DOCK1: variants seen among roughly 807,000 people sequenced by gnomAD.
The protein encoded by DOCK1 is dedicator of cytokinesis 1, also known as dedicator of cytokinesis protein 1.
A neutral mutation model predicts 262.7 loss-of-function variants in DOCK1; 138 were observed. The ratio of observed to expected loss-of-function variants is 0.53; its 90% confidence interval spans 0.46 to 0.61. DOCK1 has a LOEUF of 0.61. DOCK1 is among the 20% of genes least tolerant of loss of function. The pLI is 0.00. For missense variants in DOCK1, 1,908 were observed against 2,370.7 expected, an observed-to-expected ratio of 0.80 and a Z score of 4.05; for synonymous variants, 866 against 867.4, an observed-to-expected ratio of 1.00 and a Z score of 0.03.
chr10:127,060,897 T>C (rs946536163), intron 22 of DOCK1, among the ~76,000 whole-genome samples: 3 of 152,074 alleles, frequency 2.0e-5, no homozygotes, highest in Non-Finnish European at 2.9e-5. Context: ...GGCAATGGAG[T>C]GTGTTGTTGA....
At chr10:127,070,749 C>T (rs2046182507) in intron 23 of DOCK1, among the ~76,000 whole-genome samples, 1 of 151,052 alleles carries the variant, frequency 6.6e-6, no homozygotes, top group African/African-American at 2.4e-5. Context: ...CATGAGTCAC[C>T]TGGAGGTCTT....
At chr10:126,987,830 T>G (rs967681848) in intron 5 of DOCK1, among the ~76,000 whole-genome samples, 7 of 152,012 alleles carry the variant, frequency 4.6e-5, no homozygotes, top group Admixed American at 1.3e-4. Context: ...TGTATTTGGG[T>G]GTATTACAGT....
intron 22 of DOCK1, among the ~76,000 whole-genome samples, chr10:127,058,656 A>G (rs1410935473): frequency 6.6e-6 from 1 of 150,832 alleles, no homozygotes; most frequent in Non-Finnish European, 1.5e-5. Flanking sequence ...TAAACATATT[A>G]TTTGAATATT....
At chr10:127,114,999 C>T (rs1316110963) in intron 25 of DOCK1, among the ~76,000 whole-genome samples, 1 of 152,178 alleles carries the variant, frequency 6.6e-6, no homozygotes, top group East Asian at 1.9e-4. Flanking sequence ...TCGTGATCCA[C>T]CCTCCTCAGC....
intron 27 of DOCK1, among the ~76,000 whole-genome samples, chr10:127,196,638 C>T (rs1227700959): frequency 4.0e-4 from 37 of 93,388 alleles, no homozygotes; most frequent in Non-Finnish European, 7.4e-4. Flanking sequence ...GGGGCCGGGC[C>T]GGGCCGGGCC....
chr10:127,222,015 C>A (rs1250828646), intron 27 of DOCK1, among the ~76,000 whole-genome samples: 1 of 147,112 alleles, frequency 6.8e-6, no homozygotes, highest in African/African-American at 2.6e-5. Context: ...AACTTGCTTG[C>A]TGCGTAACAA....
intron 1 of DOCK1, among the ~76,000 whole-genome samples, chr10:126,922,686 A>G (rs1057285414): frequency 6.6e-6 from 1 of 152,212 alleles, no homozygotes; most frequent in African/African-American, 2.4e-5. Context: ...TTATGCAGTG[A>G]TGAAAATACT....
intron 27 of DOCK1, among the ~76,000 whole-genome samples, chr10:127,181,678 G>A (rs141986206): frequency 1.4e-4 from 21 of 152,298 alleles, no homozygotes; most frequent in Admixed American, 4.6e-4. Flanking sequence ...CCAAGGGGGT[G>A]CCTGAACATG....
chr10:127,106,695 C>T (rs1029463210), intron 24 of DOCK1, among the ~76,000 whole-genome samples: 1 of 152,092 alleles, frequency 6.6e-6, no homozygotes, highest in African/African-American at 2.4e-5. Flanking sequence ...ATAGAGGCAA[C>T]TCCTCTTTGG....
intron 13 of DOCK1, among the ~76,000 whole-genome samples, chr10:127,022,080 C>T (rs994858989): frequency 6.6e-6 from 1 of 151,988 alleles, no homozygotes; most frequent in Non-Finnish European, 1.5e-5. Context: ...TGGGCCATTA[C>T]CAGGGGCTTC....
intron 29 of DOCK1, among the ~76,000 whole-genome samples, chr10:127,333,607 A>G (rs1025325470): frequency 8.5e-5 from 13 of 152,158 alleles, no homozygotes; most frequent in Admixed American, 5.2e-4. Flanking sequence ...GAGCCCACGC[A>G]CTGCATCCAT....
intron 35 of DOCK1, 58 bp from the exon 36 acceptor site, chr10:127,380,024 A>T: frequency 8.5e-7 from 1 of 1,170,106 alleles, no homozygotes; most frequent in Non-Finnish European, 1.2e-6. Flanking sequence ...TTTATTGTGC[A>T]TGTGATACCT....
At chr10:127,442,072 C>A (rs966846574) in intron 49 of DOCK1, among the ~76,000 whole-genome samples, 1 of 152,166 alleles carries the variant, frequency 6.6e-6, no homozygotes, top group Admixed American at 6.5e-5. Context: ...TGGAACAAGG[C>A]CATTTCTTCA....
intron 27 of DOCK1, among the ~76,000 whole-genome samples, chr10:127,155,252 A>C (rs1208329965): frequency 1.3e-5 from 2 of 151,820 alleles, no homozygotes; most frequent in Non-Finnish European, 2.9e-5. Flanking sequence ...TCCTCATTAT[A>C]TTGTCTGTTA....
At chr10:126,918,663 C>T (rs2032798073) in intron 1 of DOCK1, among the ~76,000 whole-genome samples, 1 of 152,124 alleles carries the variant, frequency 6.6e-6, no homozygotes, top group South Asian at 2.1e-4. Flanking sequence ...AGAATTTCCC[C>T]CATTGACATT....
chr10:127,194,812 G>A (rs574363876), intron 27 of DOCK1, among the ~76,000 whole-genome samples: 1 of 152,162 alleles, frequency 6.6e-6, no homozygotes. Flanking sequence ...CCAAGGCAGG[G>A]CTCCCCCAAA....
At chr10:127,238,154 A>C (rs2059138574) in intron 27 of DOCK1, among the ~76,000 whole-genome samples, 1 of 152,196 alleles carries the variant, frequency 6.6e-6, no homozygotes, top group Non-Finnish European at 1.5e-5. Flanking sequence ...AATAGAATGT[A>C]AGATCTCTTC....
chr10:127,226,812 T>C (rs753048331), intron 27 of DOCK1, among the ~76,000 whole-genome samples: 2 of 152,018 alleles, frequency 1.3e-5, no homozygotes, highest in East Asian at 3.9e-4. Flanking sequence ...TTCGCCATTG[T>C]GATTACACAA....
At chr10:127,430,764 C>G (rs150884099) in intron 47 of DOCK1, among the ~76,000 whole-genome samples, 368 of 152,278 alleles carry the variant, frequency 2.4e-3, no homozygotes, top group African/African-American at 8.4e-3. Flanking sequence ...CAGCACTGGT[C>G]CCTGTGATTA....
Sources: allele counts gnomAD v4.1 joint callset (sites outside exome capture counted in the v4.1 genomes callset), GRCh38; gene constraint gnomAD v4.1.1; transcripts MANE v1.5; gene names NCBI Gene and HGNC (gene_info 2026-07-23, HGNC 2026-07-21).